Variants in ABLIM1 observed in about 807,000 individuals in gnomAD.
ABLIM1 encodes actin binding LIM protein 1.
Under a neutral mutation model 107.0 loss-of-function variants are expected in ABLIM1, and 40 were observed. The ratio of observed to expected loss-of-function variants is 0.37; its 90% CI spans 0.29 to 0.49. The LOEUF (loss-of-function observed/expected upper bound fraction) is 0.49, where lower values mean the gene tolerates loss of function less well. Among genes scored for constraint, ABLIM1 ranks in the 20% least tolerant of loss-of-function variants. The pLI is 0.97. For missense variants in ABLIM1, 857 were observed against 1,008.5 expected (o/e 0.85, Z 2.04); for synonymous variants, 357 against 357.3 (o/e 1.00, Z 0.01).
intron 1 of ABLIM1, among the ~76,000 whole-genome samples, chr10:114,742,685 T>C (rs2082310522): frequency 6.6e-6 from 1 of 152,126 alleles, no homozygotes; most frequent in South Asian, 2.1e-4. Context: ...TCCCAGCACT[T>C]TGGGAGGCTG....
At position 114,601,884 on chromosome 10, in the gene ABLIM1, C is replaced by T. The variant is rs775646111; in HGVS notation, c.322G>A (p.Gly108Ser). Residue 108 changes from glycine (G) to serine (S), a missense_variant, in exon 2 of 23, where the codon GGT becomes AGT. By Grantham distance (56) the Gly-to-Ser change is moderately conservative. Transcript: ENST00000533213. ...HCHKCGEPCK[G>S]EVLRVQTKHF... ...TTGGTCTGGACCCGAAGCACTTCAC[C>T]CTTGCAAGGCTCCCCACATTTATGG... 9 of 1,614,148 alleles carry T rather than the reference C, an allele frequency of 5.6e-6. No individual in the cohort carries two copies. Among genetic ancestry groups the T allele is most frequent in the Non-Finnish European group, 7.6e-6 (9 of 1,180,022 alleles).
At chr10:114,793,309 G>C in the ABLIM1 span, among the ~76,000 whole-genome samples, 3 of 151,938 alleles carry the variant, frequency 2.0e-5, no homozygotes, top group African/African-American at 4.8e-5. Context: ...CATGAGATCT[G>C]GTTGTCTGAA....
chr10:114,468,086 T>C, intron 11 of ABLIM1, 95 bp downstream of exon 11: 2 of 1,140,380 alleles, frequency 1.8e-6, no homozygotes, highest in Admixed American at 1.8e-5. Context: ...TGTTCTTTTG[T>C]ATGTTATGTT....
the ABLIM1 span, among the ~76,000 whole-genome samples, chr10:114,784,347 A>AG: frequency 1.2e-4 from 16 of 133,688 alleles, 4 homozygotes; most frequent in African/African-American, 4.5e-4. Context: ...CTCTGTCTCA[A>AG]AAAAAGAAAG....
chr10:114,650,787 T>C (rs1397166433), intron 1 of ABLIM1, among the ~76,000 whole-genome samples: 1 of 152,220 alleles, frequency 6.6e-6, no homozygotes, highest in Non-Finnish European at 1.5e-5. Context: ...ATTTCTTTCC[T>C]TTGAAAACTA....
At chr10:114,554,526 C>A (rs986461269) in intron 4 of ABLIM1, among the ~76,000 whole-genome samples, 3 of 152,146 alleles carry the variant, frequency 2.0e-5, no homozygotes, top group African/African-American at 7.2e-5. Context: ...GTGAGACCCC[C>A]GTCTCTACAG....
chr10:114,772,581 TGGGTGACA>T (rs141827118), upstream of ABLIM1, among the ~76,000 whole-genome samples: 709 of 152,296 alleles, frequency 4.7e-3, 9 homozygotes, highest in African/African-American at 0.016. Flanking sequence ...CACTCCAGCC[TGGGTGACA>T]GAGTGAGACC....
rs981436049 is a variant in ABLIM1 at position 114,738,203 on chromosome 10, C to T, written c.-213+29858G>A. On this transcript the variant is annotated intron_variant, in intron 1 of 15. Transcript: ENST00000651092. ...AGCTGGGACTACAGGCACGTGCCAC[C>T]GTGTCTGACTAATTTTTTGTATTTT... Among the ~76,000 whole-genome samples, 41 of 152,050 alleles carry T rather than the reference C, an allele frequency of 2.7e-4. 1 individual carries two copies. The highest frequency in any genetic ancestry group is 1.8e-4 in the Non-Finnish European group (12 of 68,012).
intron 1 of ABLIM1, among the ~76,000 whole-genome samples, chr10:114,733,974 C>A (rs2082127543): frequency 6.6e-6 from 1 of 152,128 alleles, no homozygotes; most frequent in Non-Finnish European, 1.5e-5. Context: ...AATTCTCCTG[C>A]CTCAGCCTGC....
chr10:114,800,064 C>A, the ABLIM1 span, among the ~76,000 whole-genome samples: 1 of 152,194 alleles, frequency 6.6e-6, no homozygotes, highest in Admixed American at 6.5e-5. Flanking sequence ...GTGTGAGTCA[C>A]CGCAGCCAGC....
At chr10:114,773,564 A>C in the ABLIM1 span, among the ~76,000 whole-genome samples, 6 of 152,146 alleles carry the variant, frequency 3.9e-5, no homozygotes, top group Admixed American at 3.9e-4. Context: ...TCTACTAAAA[A>C]TTTAAAAATT....
chr10:114,627,442 G>A (rs571868353), intron 1 of ABLIM1, among the ~76,000 whole-genome samples: 5 of 152,058 alleles, frequency 3.3e-5, no homozygotes, highest in Admixed American at 1.3e-4. Context: ...TTACTTCCTC[G>A]ACAGGTGGTA....
chr10:114,533,087 C>A (rs2065622047), intron 6 of ABLIM1, among the ~76,000 whole-genome samples: 1 of 152,134 alleles, frequency 6.6e-6, no homozygotes, highest in Non-Finnish European at 1.5e-5. Context: ...CGCCTGTTAT[C>A]CCAGCACTTT....
rs1176606496 is a variant in ABLIM1, at chr10:114,707,634, T to G, written c.-213+60427A>C. ...CTAATTACCGGCCGGGCACGGTGGC[T>G]CACACTTATAATCCCAACACTTTGG... On this transcript the variant is annotated intron_variant, in intron 1 of 15. Transcript: ENST00000651092. The surrounding 1 kb of genome is among the most constrained non-coding windows in gnomAD (Gnocchi z 4.1). Among the ~76,000 whole-genome samples, 1 of 152,102 alleles carries G rather than the reference T, an allele frequency of 6.6e-6. No individual in the cohort carries two copies. Among genetic ancestry groups the G allele is most frequent in the Non-Finnish European group, 1.5e-5 (1 of 68,018 alleles).
chr10:114,575,478 G>A lies in ABLIM1; in HGVS notation c.501C>T (p.Gly167=), dbSNP rs200600399. 282 of 1,614,018 alleles carry A rather than the reference G, an allele frequency of 1.7e-4. 1 individual carries two copies. Among genetic ancestry groups the A allele is most frequent in the Non-Finnish European group, 2.2e-4 (265 of 1,180,030 alleles). The stretch of plus-strand genomic sequence containing the variant: ...TCTTGCCCAGAGCAGTCACCACTTC[G>A]CCCTCCACGAACTCCCCACAGCCAT... ...RCHGCGEFVE[G]EVVTALGKTY... Residue 167 remains glycine (G), a synonymous_variant, in exon 3 of 23, where the codon GGC becomes GGT. Coordinates refer to ENST00000533213, the MANE Select transcript of ABLIM1 (RefSeq NM_002313.7).
intron 6 of ABLIM1, among the ~76,000 whole-genome samples, chr10:114,514,650 A>AT (rs1243578753): frequency 6.6e-6 from 1 of 152,182 alleles, no homozygotes; most frequent in Non-Finnish European, 1.5e-5. Context: ...AAGTGTTGGG[A>AT]TTACAGGCGT....
At chr10:114,516,315 G>C (rs2062803718) in intron 6 of ABLIM1, among the ~76,000 whole-genome samples, 2 of 152,174 alleles carry the variant, frequency 1.3e-5, no homozygotes, top group South Asian at 4.1e-4. Flanking sequence ...CTTGAGGCCA[G>C]GAGTTTAAGA....
At chr10:114,604,112 T>G (rs537380133) in intron 1 of ABLIM1, among the ~76,000 whole-genome samples, 9 of 152,310 alleles carry the variant, frequency 5.9e-5, no homozygotes, top group African/African-American at 2.2e-4. Context: ...TAAGCCACTT[T>G]ATTCTATCCT....
intron 3 of ABLIM1, among the ~76,000 whole-genome samples, chr10:114,573,594 A>G (rs1037578623): frequency 2.6e-5 from 4 of 152,228 alleles, no homozygotes; most frequent in Admixed American, 1.3e-4. Flanking sequence ...GACAACATAC[A>G]TGAGAACCCT....
Sources: allele counts gnomAD v4.1 joint callset (sites outside exome capture counted in the v4.1 genomes callset), GRCh38; gene constraint gnomAD v4.1.1; non-coding constraint Gnocchi (gnomAD v3.1); transcripts MANE v1.5; gene names NCBI Gene and HGNC (gene_info 2026-07-23, HGNC 2026-07-21).